The following NDUFAF6 variants were observed in gnomAD, a reference collection of about 807,000 sequenced individuals.
NDUFAF6 encodes the protein NADH dehydrogenase (ubiquinone) complex I, assembly factor 6.
NDUFAF6 carries 45 observed loss-of-function variants against 40.8 expected under a neutral mutation model. That is an observed-to-expected ratio of 1.10 (90% CI 0.87 to 1.42). The LOEUF (loss-of-function observed/expected upper bound fraction) is 1.42. Among genes scored for constraint, NDUFAF6 ranks in the 40% most tolerant of loss-of-function variants. The pLI is 0.00. For missense variants in NDUFAF6, 435 were observed against 418.5 expected, an observed-to-expected ratio of 1.04 and a Z score of -0.34; for synonymous variants, 185 against 155.9, an observed-to-expected ratio of 1.19 and a Z score of -1.39.
rs189660844 is a variant in NDUFAF6 at position 95,001,440 on chromosome 8, A to G, written c.-84+20467A>G. On this transcript the variant is annotated intron_variant, in intron 2 of 9. Coordinates refer to the NDUFAF6 transcript ENST00000396111. ...AGGAGAGTTGAGCACCAGGCCCTCAACCTTTGGTGCCTCAACTTGACATTG... is the reference window on the plus strand; with the variant it reads ...AGGAGAGTTGAGCACCAGGCCCTCAGCCTTTGGTGCCTCAACTTGACATTG... Among the ~76,000 whole-genome samples, 658 of 152,070 alleles carry G rather than the reference A, an allele frequency of 4.3e-3. 2 individuals carry two copies. Among genetic ancestry groups the G allele is most frequent in the African/African-American group, 0.015 (627 of 41,482 alleles).
At chr8:95,005,221 G>A (rs1826909204) in intron 2 of NDUFAF6, among the ~76,000 whole-genome samples, 1 of 151,960 alleles carries the variant, frequency 6.6e-6, no homozygotes, top group Non-Finnish European at 1.5e-5. Context: ...TAGGCCGAAC[G>A]TACAGTCACT....
At chr8:94,924,734 T>G in intron 1 of NDUFAF6, among the ~76,000 whole-genome samples, 1 of 151,228 alleles carries the variant, frequency 6.6e-6, no homozygotes, top group Non-Finnish European at 1.5e-5. Flanking sequence ...CAGAGTAGGG[T>G]TTTTGTTCTG....
At chr8:94,965,275 C>T (rs1027936566) in intron 1 of NDUFAF6, among the ~76,000 whole-genome samples, 1 of 152,180 alleles carries the variant, frequency 6.6e-6, no homozygotes, top group African/African-American at 2.4e-5. Flanking sequence ...AGTATACACA[C>T]ATTCCAACAG....
intron 2 of NDUFAF6, among the ~76,000 whole-genome samples, chr8:95,088,730 TTCTTTTTG>T (rs1809140572): frequency 1.7e-5 from 1 of 57,406 alleles, no homozygotes; most frequent in African/African-American, 6.2e-5. Context: ...TGTGTGTGTT[TTCTTTTTG>T]TTTTCTTGTT....
At chr8:94,971,662 C>T (rs189319465) in intron 1 of NDUFAF6, among the ~76,000 whole-genome samples, 3 of 152,244 alleles carry the variant, frequency 2.0e-5, no homozygotes, top group East Asian at 1.9e-4. Context: ...CTGGGCCTGG[C>T]GCGGTGGCTT....
intron 1 of NDUFAF6, chr8:94,939,763 A>G (rs1312607031): frequency 2.0e-6 from 3 of 1,494,512 alleles, no homozygotes; most frequent in Non-Finnish European, 2.7e-6. Flanking sequence ...TAACAAAATT[A>G]GTTTTGCATC....
intron 1 of NDUFAF6, among the ~76,000 whole-genome samples, chr8:94,915,275 C>T (rs1819056453): frequency 6.6e-6 from 1 of 152,148 alleles, no homozygotes. Flanking sequence ...TTCTGTCCAT[C>T]TTTACCCAGT....
intron 1 of NDUFAF6, among the ~76,000 whole-genome samples, chr8:94,936,895 A>C (rs892940988): frequency 6.6e-6 from 1 of 152,132 alleles, no homozygotes; most frequent in Non-Finnish European, 1.5e-5. Flanking sequence ...ACAAATACCA[A>C]TGAGAACCGT....
At chr8:95,019,219 C>T (rs763353647) in intron 2 of NDUFAF6, among the ~76,000 whole-genome samples, 83 of 152,204 alleles carry the variant, frequency 5.5e-4, no homozygotes, top group Non-Finnish European at 9.6e-4. Flanking sequence ...CCATGTTGGC[C>T]AGGCTGTCTC....
intron 1 of NDUFAF6, among the ~76,000 whole-genome samples, chr8:94,961,477 A>G (rs1823566254): frequency 6.6e-6 from 1 of 152,200 alleles, no homozygotes; most frequent in Non-Finnish European, 1.5e-5. Context: ...GCTGGAGTGC[A>G]GTGCCACCAT....
intron 2 of NDUFAF6, among the ~76,000 whole-genome samples, chr8:95,019,802 C>A (rs1827615028): frequency 6.6e-6 from 1 of 152,192 alleles, no homozygotes; most frequent in Non-Finnish European, 1.5e-5. Flanking sequence ...AGTGCCCCTT[C>A]CATACTACGT....
At chr8:95,115,778 A>C (rs1810119293) in intron 5 of NDUFAF6, 1 of 152,222 alleles carries the variant, frequency 6.6e-6, no homozygotes. Flanking sequence ...CTTGGCAGAT[A>C]GTTTTGAGAG....
At chr8:95,007,508 A>G (rs1029052933) in intron 2 of NDUFAF6, among the ~76,000 whole-genome samples, 1 of 152,048 alleles carries the variant, frequency 6.6e-6, no homozygotes, top group Non-Finnish European at 1.5e-5. Context: ...TACAAAAAAT[A>G]CAAAAGTTAG....
chr8:95,046,808 A>T (rs1397142325), intron 5 of NDUFAF6, among the ~76,000 whole-genome samples, 186 bp from the exon 6 acceptor site: 1 of 152,188 alleles, frequency 6.6e-6, no homozygotes, highest in African/African-American at 2.4e-5. Context: ...TGAGATTTAG[A>T]TATCTGCTAG....
chr8:95,084,728 A>G (rs2132055967), intron 2 of NDUFAF6, among the ~76,000 whole-genome samples: 1 of 152,332 alleles, frequency 6.6e-6, no homozygotes, highest in East Asian at 1.9e-4. Context: ...CTAGAAATCT[A>G]AAATTTCTTA....
chr8:94,996,869 G>T (rs1235468415), intron 2 of NDUFAF6, among the ~76,000 whole-genome samples: 2 of 152,152 alleles, frequency 1.3e-5, no homozygotes, highest in Admixed American at 1.3e-4. Flanking sequence ...GGAGAAGATG[G>T]TTCCCTGAAA....
chr8:94,904,226 C>T (rs1818222539), intron 1 of NDUFAF6, among the ~76,000 whole-genome samples: 1 of 150,672 alleles, frequency 6.6e-6, no homozygotes, highest in Non-Finnish European at 1.5e-5. Flanking sequence ...TCACTGCAAC[C>T]TCTGCCTTGT....
intron 2 of NDUFAF6, among the ~76,000 whole-genome samples, chr8:95,012,975 A>G (rs1302365866): frequency 3.9e-5 from 6 of 152,146 alleles, no homozygotes; most frequent in African/African-American, 1.4e-4. Flanking sequence ...TTCAACTTCT[A>G]TCCCGTCCCT....
rs149323214 is a variant in NDUFAF6 at position 95,056,195 on chromosome 8, C to T, written c.874-1614C>T. On this transcript the variant is annotated intron_variant, in intron 8 of 8. Transcript: ENST00000396124. ...TAATATTAATATTTCATTGTACAAACGATTCCTCTTTTTTTCGATCAAAGA... is the reference window on the plus strand; with the variant it reads ...TAATATTAATATTTCATTGTACAAATGATTCCTCTTTTTTTCGATCAAAGA... Among the ~76,000 whole-genome samples, 460 of 151,568 alleles carry T rather than the reference C, an allele frequency of 3.0e-3. 1 individual carries two copies. Among genetic ancestry groups the T allele is most frequent in the African/African-American group, 1.0e-2 (413 of 41,342 alleles).
Sources: gnomAD v4.1 joint callset for allele counts (sites outside exome capture counted in the v4.1 genomes callset) on GRCh38, gnomAD v4.1.1 for gene constraint, MANE v1.5 for transcripts, NCBI Gene and HGNC (gene_info 2026-07-23, HGNC 2026-07-21) for gene names.